HAS3: variants seen among roughly 807,000 people sequenced by gnomAD.
HAS3 encodes the protein hyaluronan synthase 3, also known as HA synthase 3.
HAS3 carries 27 observed loss-of-function variants against 50.3 expected under a neutral mutation model. The observed-to-expected ratio is 0.54, with a 90% CI of 0.40 to 0.74. The LOEUF (loss-of-function observed/expected upper bound fraction) is 0.74, where lower values mean the gene tolerates loss of function less well. HAS3 is among the 30% of genes least tolerant of loss of function. HAS3 has a pLI of 0.00. For synonymous variants in HAS3, 339 were observed against 310.9 expected, an observed-to-expected ratio of 1.09 and a Z score of -0.95; for missense variants, 517 against 742.8, an observed-to-expected ratio of 0.70 and a Z score of 3.53.
chr16:69,118,033 G>GAAAC (rs1358509994), downstream of HAS3: 1 of 372,242 alleles, frequency 2.7e-6, no homozygotes, highest in East Asian at 5.1e-5. Flanking sequence ...ATTTATTAAA[G>GAAAC]AAACAGTAAG....
At chr16:69,099,606 G>A in the HAS3 span, among the ~76,000 whole-genome samples, 3 of 152,136 alleles carry the variant, frequency 2.0e-5, no homozygotes, top group Admixed American at 1.3e-4. Flanking sequence ...CATTACAGGC[G>A]TGAGCCACCG....
At position 69,114,363 on chromosome 16, in the gene HAS3, ATGGATTTCCTTCC is replaced by A; in HGVS notation, c.762_774del (p.Trp254Ter). The A allele has an allele frequency of 6.2e-7, 1 of 1,603,298 alleles. No individual in the cohort carries two copies. Reference sequence around the variant, plus strand: ...TGCAGATCCTCAACAAGTACGACTCATGGATTTCCTTCCTGAGCAGCGTGCGGTACTGGATGGC... The same window carrying A: ...TGCAGATCCTCAACAAGTACGACTCATGAGCAGCGTGCGGTACTGGATGGC... On this transcript the variant is annotated frameshift_variant, in exon 4 of 4. Coordinates refer to ENST00000569188, the MANE Select transcript of HAS3 (RefSeq NM_001199280.2). LOFTEE classifies it high-confidence loss of function. This position sits in a 1 kb window ranked among gnomAD's most constrained non-coding sequence, Gnocchi z 6.4.
At chr16:69,091,745 C>T in the HAS3 span, among the ~76,000 whole-genome samples, 4,653 of 152,270 alleles carry the variant, frequency 0.031, 104 homozygotes, top group Non-Finnish European at 0.041. Context: ...ATTACTAGTT[C>T]GTGGCTTATA....
intron 2 of HAS3, among the ~76,000 whole-genome samples, 158 bp downstream of exon 2, chr16:69,110,189 C>T (rs1400548579): frequency 6.6e-6 from 1 of 152,212 alleles, no homozygotes; most frequent in African/African-American, 2.4e-5. Context: ...CGGTGGCTCA[C>T]GCCTGTAATC....
At position 69,117,013 on chromosome 16, in the gene HAS3, A is replaced by G. The variant is rs1045175727; in HGVS notation, c.*1747A>G. On this transcript the variant is annotated 3_prime_UTR_variant, in exon 4 of 4. Coordinates refer to ENST00000569188, the MANE Select transcript of HAS3 (RefSeq NM_001199280.2). ...TCTCCCACGAACTCAAGGGTTTTCCAGGTGTAGCTAACAGTTGCCACATCA... is the reference window on the plus strand; with the variant it reads ...TCTCCCACGAACTCAAGGGTTTTCCGGGTGTAGCTAACAGTTGCCACATCA... 4.1e-6 allele frequency: 4 copies of G among 985,342 alleles called. No individual in the cohort carries two copies. Among genetic ancestry groups the G allele is most frequent in the Admixed American group, 6.1e-5 (1 of 16,270 alleles). 61.0% of individuals were successfully genotyped at this position (985,342 alleles called of 1,614,324 possible).
chr16:69,114,871 A>G lies in HAS3; in HGVS notation c.1267A>G (p.Lys423Glu). 1 of 1,614,068 alleles carries G rather than the reference A, an allele frequency of 6.2e-7. No individual in the cohort carries two copies. Among genetic ancestry groups the G allele is most frequent in the African/African-American group, 1.3e-5 (1 of 75,036 alleles). Residue 423 changes from lysine to glutamate, a missense_variant, in exon 4 of 4, where the codon AAG becomes GAG. Physicochemically the swap from Lys to Glu is moderately conservative, Grantham distance 56. Transcript: ENST00000569188. This position sits in a 1 kb window ranked among gnomAD's most constrained non-coding sequence, Gnocchi z 6.4. ...LLTVQLVGII[K>E]ATYACFLRGN... ...GACGGTGCAGCTGGTGGGCATTATC[A>G]AGGCCACCTACGCCTGCTTCCTTCG...
the HAS3 span, among the ~76,000 whole-genome samples, chr16:69,100,054 G>A: frequency 1.3e-5 from 2 of 152,142 alleles, no homozygotes; most frequent in East Asian, 1.9e-4. Context: ...AATTTGAAAT[G>A]AAACGATTCT....
At chr16:69,110,687 C>G (rs1175613280) in intron 2 of HAS3, among the ~76,000 whole-genome samples, 1 of 152,166 alleles carries the variant, frequency 6.6e-6, no homozygotes, top group East Asian at 1.9e-4. Context: ...AGTAACTTGC[C>G]TAATGTCCCA....
the HAS3 span, among the ~76,000 whole-genome samples, chr16:69,089,601 G>T: frequency 6.6e-6 from 1 of 152,226 alleles, no homozygotes; most frequent in Non-Finnish European, 1.5e-5. Flanking sequence ...CCGCTTGGGG[G>T]TTGGGAACCT....
chr16:69,118,347 T>C (rs1293210969), downstream of HAS3: 1 of 1,562,960 alleles, frequency 6.4e-7, no homozygotes, highest in East Asian at 2.2e-5. Flanking sequence ...CCCTGTTCTG[T>C]GTTCAAGCCC....
the HAS3 span, among the ~76,000 whole-genome samples, chr16:69,093,102 T>C: frequency 6.6e-6 from 1 of 152,250 alleles, no homozygotes; most frequent in Non-Finnish European, 1.5e-5. Flanking sequence ...AGTCTTCCCA[T>C]GAACTCCAGA....
Position 69,116,848 on chromosome 16 carries a change from G to A in HAS3, c.*1582G>A, listed in dbSNP as rs1047234089. The A allele has an allele frequency of 3.0e-6, 3 of 985,440 alleles. No individual in the cohort carries two copies. Among genetic ancestry groups the A allele is most frequent in the Admixed American group, 6.1e-5 (1 of 16,278 alleles). The allele number at this position is 985,440 out of a possible 1,614,324, so 61.0% of individuals were successfully genotyped here. On this transcript the variant is annotated 3_prime_UTR_variant, in exon 4 of 4. Transcript: ENST00000569188. ...TGCCCTCCAAATGTCCTTTCTCAGA[G>A]GGGCCAGCTAACCCGTGCAGAACCA...
Position 69,114,046 on chromosome 16 carries a change from C to T in HAS3, c.739-297C>T, listed in dbSNP as rs1409602202. On this transcript the variant is annotated intron_variant, in intron 3 of 3. Transcript: ENST00000569188. The surrounding 1 kb of genome is among the most constrained non-coding windows in gnomAD (Gnocchi z 6.4). ...TTGCATTCTTCCCAAGCCCCCTTCT[C>T]TGCCACCACCACAGGCTGCCTCCTG... Among the ~76,000 whole-genome samples the T allele has an allele frequency of 6.6e-6, 1 of 152,222 alleles. No individual in the cohort carries two copies. Among genetic ancestry groups the T allele is most frequent in the African/African-American group, 2.4e-5 (1 of 41,458 alleles).
chr16:69,097,664 T>A, the HAS3 span, among the ~76,000 whole-genome samples: 1 of 152,114 alleles, frequency 6.6e-6, no homozygotes, highest in African/African-American at 2.4e-5. Flanking sequence ...AGGACATTGC[T>A]GCTGACATCA....
the HAS3 span, among the ~76,000 whole-genome samples, chr16:69,087,890 G>C: frequency 6.6e-6 from 1 of 151,232 alleles, no homozygotes; most frequent in African/African-American, 2.4e-5. Context: ...TTTTAGTAGA[G>C]ACAGGGTTTC....
the HAS3 span, among the ~76,000 whole-genome samples, chr16:69,089,263 A>G: frequency 1.3e-5 from 2 of 152,204 alleles, no homozygotes; most frequent in African/African-American, 4.8e-5. Context: ...GGATCAATTG[A>G]TAAGTCGAGA....
At chr16:69,118,281 G>C (rs1961315665), downstream of HAS3, 3 of 941,096 alleles carry the variant, frequency 3.2e-6, no homozygotes, top group Non-Finnish European at 3.5e-6. Context: ...TGCAGGCCCA[G>C]TCAGTCAAGC....
At position 69,107,675 on chromosome 16, in the gene HAS3, C is replaced by T. The variant is rs2152255031; in HGVS notation, c.1-1721C>T. 1 of 985,554 alleles carries T rather than the reference C, an allele frequency of 1.0e-6. No individual in the cohort carries two copies. Among genetic ancestry groups the T allele is most frequent in the Non-Finnish European group, 1.2e-6 (1 of 830,028 alleles). The allele number at this position is 985,554 out of a possible 1,614,324, so 61.1% of individuals were successfully genotyped here. A position where few individuals can be genotyped will look rare whatever the true frequency, so the allele number is the denominator to read the frequency against. On this transcript the variant is annotated intron_variant, in intron 1 of 3. Coordinates refer to ENST00000569188, the MANE Select transcript of HAS3 (RefSeq NM_001199280.2). The surrounding 1 kb of genome is among the most constrained non-coding windows in gnomAD (Gnocchi z 5.5). ...CCAGAGCGCAGGCAGGCAGGGGGGT[C>T]CCGCCGCGCCCCTTCAGCATGTAAG...
the HAS3 span, among the ~76,000 whole-genome samples, chr16:69,089,569 C>T: frequency 1.3e-5 from 2 of 152,242 alleles, no homozygotes; most frequent in Admixed American, 1.3e-4. Flanking sequence ...CTGCCATGCT[C>T]CACTCTGTTG....
Sources: gnomAD v4.1 joint callset for allele counts (sites outside exome capture counted in the v4.1 genomes callset) on GRCh38, gnomAD v4.1.1 for gene constraint, Gnocchi (gnomAD v3.1) non-coding constraint, MANE v1.5 for transcripts, NCBI Gene and HGNC (gene_info 2026-07-23, HGNC 2026-07-21) for gene names.